SVEP1: variants seen among roughly 807,000 people sequenced by gnomAD.
The protein encoded by SVEP1 is sushi, von Willebrand factor type A, EGF and pentraxin domain-containing protein 1.
SVEP1 carries 164 observed loss-of-function variants against 367.3 expected under a neutral mutation model. The ratio of observed to expected loss-of-function variants is 0.45; its 90% CI spans 0.39 to 0.51. The LOEUF (loss-of-function observed/expected upper bound fraction) is 0.51, where lower values mean the gene tolerates loss of function less well. Among genes scored for constraint, SVEP1 ranks in the 20% least tolerant of loss-of-function variants. The pLI is 0.00. For synonymous variants in SVEP1, 1,666 were observed against 1,611.6 expected (o/e 1.03, Z -0.81); for missense variants, 4,117 against 4,425.3 (o/e 0.93, Z 1.98).
At chr9:110,571,684 T>C (rs1268570447) in intron 1 of SVEP1, among the ~76,000 whole-genome samples, 1 of 152,210 alleles carries the variant, frequency 6.6e-6, no homozygotes, top group East Asian at 1.9e-4. Context: ...GCCACTTCAT[T>C]CATTCTAGTT....
chr9:110,397,215 G>A (rs796379219), intron 40 of SVEP1, among the ~76,000 whole-genome samples: 2 of 152,110 alleles, frequency 1.3e-5, no homozygotes, highest in East Asian at 1.9e-4. Flanking sequence ...ATGTAATCCA[G>A]CATATAAACA....
Position 110,431,909 on chromosome 9 carries a change from G to T in SVEP1, c.5353+6C>A, listed in dbSNP as rs767410636. The T allele has an allele frequency of 7.4e-6, 12 of 1,613,316 alleles. No individual in the cohort carries two copies. The highest frequency in any genetic ancestry group is 1.0e-5 in the Non-Finnish European group (12 of 1,179,530). On this transcript the variant is annotated splice_donor_region_variant and intron_variant, in intron 32 of 47. Transcript: ENST00000374469. ...AGGAACTTTTAGTTCTACATATATT[G>T]GTTACCTGCACAGTTTTTCCCATCT...
chr9:110,387,151 AGCTTGGATAGGCATTAATT>A (rs1827537513), intron 42 of SVEP1, 115 bp downstream of exon 42: 1 of 809,412 alleles, frequency 1.2e-6, no homozygotes, highest in Admixed American at 3.1e-5. Flanking sequence ...CAGAGAATTC[AGCTTGGATAGGCATTAATT>A]GCTTTCTCTG....
intron 30 of SVEP1, among the ~76,000 whole-genome samples, chr9:110,433,421 C>T (rs1443183610): frequency 2.2e-5 from 3 of 133,748 alleles, no homozygotes; most frequent in Non-Finnish European, 3.1e-5. Flanking sequence ...AGGTGCTTAT[C>T]TAAAATAGCA....
rs146785669 is a variant in SVEP1 at position 110,440,953 on chromosome 9, C to T, written c.4639+2592G>A. The stretch of plus-strand genomic sequence containing the variant: ...TTAAAAGAGTTAGGCCATAGGAATG[C>T]AATTTGAGAGACTCATTTTAACTCG... On this transcript the variant is annotated intron_variant, in intron 27 of 47. Transcript: ENST00000374469. 6.6e-3 allele frequency among the ~76,000 whole-genome samples: 1,005 copies of T among 152,292 alleles called. 9 individuals carry two copies. The highest frequency in any genetic ancestry group is 0.023 in the African/African-American group (952 of 41,554).
intron 9 of SVEP1, among the ~76,000 whole-genome samples, chr9:110,487,395 A>T (rs1005006139): frequency 1.3e-5 from 2 of 152,232 alleles, no homozygotes; most frequent in Non-Finnish European, 2.9e-5. Context: ...GTCTAAAATC[A>T]CTGTGTCAGA....
chr9:110,535,155 T>C (rs1282640118), intron 3 of SVEP1, among the ~76,000 whole-genome samples: 12 of 152,134 alleles, frequency 7.9e-5, no homozygotes, highest in Admixed American at 7.9e-4. Context: ...TTTTGGGTTT[T>C]ACATTTAAGT....
intron 28 of SVEP1, 137 bp from the exon 29 acceptor site, chr9:110,435,501 G>T: frequency 2.1e-6 from 2 of 962,376 alleles, no homozygotes; most frequent in Non-Finnish European, 3.0e-6. Context: ...ATGATTTCAG[G>T]GGCAGCAGGA....
chr9:110,574,006 G>A (rs1830596514), intron 1 of SVEP1, among the ~76,000 whole-genome samples: 1 of 152,204 alleles, frequency 6.6e-6, no homozygotes, highest in Admixed American at 6.5e-5. Flanking sequence ...CAAATCAGGT[G>A]TGATAATGGT....
chr9:110,376,387 A>C (rs750564344), intron 45 of SVEP1, among the ~76,000 whole-genome samples: 1 of 152,222 alleles, frequency 6.6e-6, no homozygotes, highest in Non-Finnish European at 1.5e-5. Flanking sequence ...TCTAGGTGAA[A>C]TGGAATGATT....
At chr9:110,443,271 G>A (rs1828540549) in intron 27 of SVEP1, 1 of 337,718 alleles carries the variant, frequency 3.0e-6, no homozygotes, top group East Asian at 4.9e-5. Flanking sequence ...CTCCTTAGAA[G>A]ACAGTTTAGC....
chr9:110,479,612 A>G, intron 13 of SVEP1, 23 bp downstream of exon 13: 1 of 1,580,688 alleles, frequency 6.3e-7, no homozygotes, highest in Non-Finnish European at 8.6e-7. Flanking sequence ...AGAACACACA[A>G]TAAATGACCA....
Position 110,380,978 on chromosome 9 carries a change from C to T in SVEP1, c.10238-1461G>A, listed in dbSNP as rs79102926. On this transcript the variant is annotated intron_variant, in intron 43 of 47. Transcript: ENST00000374469. ...CATGTGTCCAGGAATTTATCCATTT[C>T]TTCTAGATTTTCTAGTTTATGTGCA... is the stretch of plus-strand genomic sequence containing the variant. Among the ~76,000 whole-genome samples, 93 of 152,296 alleles carry T rather than the reference C, an allele frequency of 6.1e-4. 1 individual carries two copies. In the East Asian group the frequency reaches 0.017, roughly 28 times the overall value.
At chr9:110,564,893 A>G (rs535596055) in intron 1 of SVEP1, among the ~76,000 whole-genome samples, 83 of 152,132 alleles carry the variant, frequency 5.5e-4, no homozygotes, top group African/African-American at 2.0e-3. Flanking sequence ...TATTTTGAAT[A>G]AAATGTAGTC....
At chr9:110,386,406 G>C (rs1047599992) in intron 42 of SVEP1, among the ~76,000 whole-genome samples, 1 of 152,090 alleles carries the variant, frequency 6.6e-6, no homozygotes, top group Non-Finnish European at 1.5e-5. Flanking sequence ...AAAACAAAAG[G>C]CATACTAGAA....
intron 45 of SVEP1, 23 bp from the exon 46 acceptor site, chr9:110,375,486 A>AG (rs1827337993): frequency 1.4e-6 from 2 of 1,463,004 alleles, no homozygotes; most frequent in South Asian, 1.3e-5. Flanking sequence ...AAAAAAAAAA[A>AG]AAAAGGAGGC....
intron 18 of SVEP1, 37 bp from the exon 19 acceptor site, chr9:110,459,150 G>C (rs373083554): frequency 6.3e-7 from 1 of 1,589,346 alleles, no homozygotes; most frequent in Non-Finnish European, 8.6e-7. Flanking sequence ...TGCATATAAA[G>C]TAACACACCC....
At position 110,475,148 on chromosome 9, in the gene SVEP1, G is replaced by A. The variant is rs781775479; in HGVS notation, c.2599+1056C>T. Among the ~76,000 whole-genome samples, 98 of 151,998 alleles carry A rather than the reference G, an allele frequency of 6.4e-4. 1 individual carries two copies. The highest frequency in any genetic ancestry group is 1.2e-3 in the Non-Finnish European group (81 of 67,984). On this transcript the variant is annotated intron_variant, in intron 14 of 47. Coordinates refer to ENST00000374469, the MANE Select transcript of SVEP1 (RefSeq NM_153366.4). ...TTTAAAAATTGTATAATAAACATAT[G>A]CACAAATGATATTTAAAAAAATTTA...
intron 7 of SVEP1, among the ~76,000 whole-genome samples, chr9:110,498,634 C>T (rs919574982): frequency 1.3e-5 from 2 of 152,092 alleles, no homozygotes; most frequent in Non-Finnish European, 2.9e-5. Context: ...TTTTTCATAG[C>T]GGTCTGCTCT....
Sources: gnomAD v4.1 joint callset for allele counts (sites outside exome capture counted in the v4.1 genomes callset) on GRCh38, gnomAD v4.1.1 for gene constraint, MANE v1.5 for transcripts, NCBI Gene and HGNC (gene_info 2026-07-23, HGNC 2026-07-21) for gene names.